The following RGS5 variants were observed in gnomAD, a reference collection of about 807,000 sequenced individuals.
The protein encoded by RGS5 is regulator of G-protein signalling 5.
A neutral mutation model predicts 18.9 loss-of-function variants in RGS5; 20 were observed. The observed-to-expected ratio is 1.06, with a 90% confidence interval of 0.74 to 1.54. The LOEUF (loss-of-function observed/expected upper bound fraction) is 1.54, where lower values mean the gene tolerates loss of function less well. RGS5 is among the 40% of genes most tolerant of loss of function. RGS5 has a pLI of 0.00. For missense variants in RGS5, 201 were observed against 211.8 expected, an observed-to-expected ratio of 0.95 and a Z score of 0.32; for synonymous variants, 57 against 76.2, an observed-to-expected ratio of 0.75 and a Z score of 1.31.
chr1:163,224,509 A>G (rs2101680207), intron 2 of RGS5, among the ~76,000 whole-genome samples: 1 of 152,342 alleles, frequency 6.6e-6, no homozygotes, highest in Admixed American at 6.5e-5. Context: ...GCTGTAATAA[A>G]GATGGGAGTG....
chr1:163,256,148 T>C (rs1244867215), intron 2 of RGS5, among the ~76,000 whole-genome samples: 1 of 152,118 alleles, frequency 6.6e-6, no homozygotes, highest in African/African-American at 2.4e-5. Flanking sequence ...GGGTATTCAA[T>C]TAGGAAAAGA....
rs908347566 is a variant in RGS5 at position 163,156,137 on chromosome 1, T to C, written c.218-3421A>G. On this transcript the variant is annotated intron_variant, in intron 3 of 4. Coordinates refer to ENST00000313961, the MANE Select transcript of RGS5 (RefSeq NM_003617.4). ...GGGGGGATAAAAATGAAGTCATTGA[T>C]AGTTGATAAGCACCATTTCTAGCTT... Among the ~76,000 whole-genome samples, 20 of 152,206 alleles carry C rather than the reference T, an allele frequency of 1.3e-4. 1 individual carries two copies. In the South Asian group the frequency reaches 4.1e-3, roughly 31 times the overall value.
At chr1:163,202,290 T>A (rs942500141) in intron 1 of RGS5, among the ~76,000 whole-genome samples, 1 of 152,056 alleles carries the variant, frequency 6.6e-6, no homozygotes, top group Non-Finnish European at 1.5e-5. Flanking sequence ...CCAGACATGG[T>A]TCTGAGTGCT....
At chr1:163,287,259 G>A (rs1005109330) in intron 2 of RGS5, among the ~76,000 whole-genome samples, 8 of 152,046 alleles carry the variant, frequency 5.3e-5, no homozygotes, top group Admixed American at 3.9e-4. Context: ...AGAATGCTAG[G>A]ACAAAGAAAA....
chr1:163,246,016 C>G (rs1026622459), intron 2 of RGS5, among the ~76,000 whole-genome samples: 5 of 145,466 alleles, frequency 3.4e-5, no homozygotes, highest in African/African-American at 5.1e-5. Context: ...GAGATCGAGA[C>G]CATCCTGGCT....
intron 1 of RGS5, chr1:163,211,517 G>A (rs187722117): frequency 6.6e-6 from 1 of 152,082 alleles, no homozygotes; most frequent in Non-Finnish European, 1.5e-5. Context: ...AGCTCTTTTC[G>A]CTTGGTTCAT....
At chr1:163,208,518 TAAAAAAAAAAAAAA>T (rs55700806) in intron 1 of RGS5, among the ~76,000 whole-genome samples, 2 of 14,466 alleles carry the variant, frequency 1.4e-4, no homozygotes, top group Non-Finnish European at 2.4e-4. Flanking sequence ...CCACCTCCAT[TAAAAAAAAAAAAAA>T]AAAAAAAAAA....
chr1:163,154,777 C>A (rs1273406118), intron 3 of RGS5, among the ~76,000 whole-genome samples: 2 of 150,854 alleles, frequency 1.3e-5, no homozygotes, highest in African/African-American at 2.4e-5. Context: ...AAACTTATTT[C>A]TCTCTGTGTC....
intron 1 of RGS5, among the ~76,000 whole-genome samples, chr1:163,202,047 C>G (rs576739727): frequency 6.6e-6 from 1 of 152,278 alleles, no homozygotes; most frequent in South Asian, 2.1e-4. Context: ...AGCCTACGGA[C>G]AACCAGGGAG....
chr1:163,265,092 T>C (rs1469942365), intron 2 of RGS5, among the ~76,000 whole-genome samples: 1 of 152,152 alleles, frequency 6.6e-6, no homozygotes, highest in African/African-American at 2.4e-5. Flanking sequence ...TGTTTGACAA[T>C]CCTTTCACCA....
intron 2 of RGS5, among the ~76,000 whole-genome samples, chr1:163,253,098 G>C (rs539755036): frequency 6.6e-6 from 1 of 152,206 alleles, no homozygotes; most frequent in African/African-American, 2.4e-5. Flanking sequence ...AATTTCACTA[G>C]GATGAACAAA....
intron 2 of RGS5, among the ~76,000 whole-genome samples, chr1:163,247,508 AC>A (rs1428523733): frequency 4.7e-5 from 7 of 149,836 alleles, no homozygotes; most frequent in Non-Finnish European, 9.0e-5. Context: ...TCTACTAAAA[AC>A]ATTTTTAAAT....
chr1:163,194,765 T>C (rs1192475494), intron 1 of RGS5, among the ~76,000 whole-genome samples: 2 of 152,126 alleles, frequency 1.3e-5, no homozygotes, highest in Non-Finnish European at 2.9e-5. Context: ...AACAATCCAA[T>C]TGAGAAAAGA....
chr1:163,309,228 G>GTA (rs1649788512), intron 1 of RGS5, among the ~76,000 whole-genome samples: 1 of 152,162 alleles, frequency 6.6e-6, no homozygotes, highest in Non-Finnish European at 1.5e-5. Context: ...GGTTGCTGAA[G>GTA]GTTTAGGTGG....
intron 2 of RGS5, among the ~76,000 whole-genome samples, chr1:163,279,138 A>C (rs1648929801): frequency 6.6e-6 from 1 of 152,144 alleles, no homozygotes; most frequent in Admixed American, 6.5e-5. Context: ...CAACAAAGAA[A>C]CATTAGACTT....
intron 1 of RGS5, among the ~76,000 whole-genome samples, chr1:163,186,149 G>A (rs1659062796): frequency 6.7e-6 from 1 of 149,162 alleles, no homozygotes; most frequent in South Asian, 2.1e-4. Flanking sequence ...TTGGCTCATT[G>A]CAACCTCTAC....
chr1:163,147,572 G>A (rs1657190474), intron 4 of RGS5, 69 bp from the exon 5 acceptor site: 5 of 1,324,026 alleles, frequency 3.8e-6, no homozygotes, highest in South Asian at 3.9e-5. Flanking sequence ...TGAAGAGGGA[G>A]GTGGAATTTC....
chr1:163,301,177 A>G (rs1190880899), intron 2 of RGS5, among the ~76,000 whole-genome samples: 2 of 152,244 alleles, frequency 1.3e-5, no homozygotes, highest in African/African-American at 4.8e-5. Flanking sequence ...GACAGGGCAC[A>G]GGACACTTTG....
chr1:163,217,566 A>C, exon 1 of RGS5: 1 of 1,547,510 alleles, frequency 6.5e-7, no homozygotes, highest in Non-Finnish European at 8.7e-7. Context: ...TAAGATGAGA[A>C]TATCCTGTGA....
Sources: gnomAD v4.1 joint callset for allele counts (sites outside exome capture counted in the v4.1 genomes callset) on GRCh38, gnomAD v4.1.1 for gene constraint, MANE v1.5 for transcripts, NCBI Gene and HGNC (gene_info 2026-07-23, HGNC 2026-07-21) for gene names.